HDAC4: variants seen among roughly 807,000 people sequenced by gnomAD.
HDAC4 encodes histone deacetylase 4, also known as histone deacetylase A.
In HDAC4, 16 loss-of-function variants were observed where a neutral mutation model predicts 135.1. The ratio of observed to expected loss-of-function variants is 0.12; its 90% confidence interval spans 0.08 to 0.18. The LOEUF is 0.18. HDAC4 is among the 10% of genes least tolerant of loss of function. HDAC4 has a pLI of 1.00. For synonymous variants in HDAC4, 685 were observed against 653.4 expected (o/e 1.05, Z -0.74); for missense variants, 1,143 against 1,511.8 (o/e 0.76, Z 4.05).
At chr2:239,179,196 C>T (rs2043976698) in intron 4 of HDAC4, among the ~76,000 whole-genome samples, 1 of 152,250 alleles carries the variant, frequency 6.6e-6, no homozygotes, top group Non-Finnish European at 1.5e-5. Context: ...AGTGGCTGCG[C>T]TGGCACAGCA....
chr2:239,166,856 T>G (rs1378407718), intron 5 of HDAC4, among the ~76,000 whole-genome samples: 5 of 152,272 alleles, frequency 3.3e-5, no homozygotes, highest in Admixed American at 2.6e-4. Context: ...CCAATGAGTA[T>G]GTTAAATCAG....
chr2:239,128,578 T>G (rs2040357826), intron 11 of HDAC4, among the ~76,000 whole-genome samples: 1 of 151,872 alleles, frequency 6.6e-6, no homozygotes, highest in African/African-American at 2.4e-5. Flanking sequence ...ATTGTTGACG[T>G]GTGTATTACG....
chr2:239,173,402 A>G (rs1277921733), intron 5 of HDAC4, among the ~76,000 whole-genome samples: 1 of 152,224 alleles, frequency 6.6e-6, no homozygotes, highest in African/African-American at 2.4e-5. Flanking sequence ...AAGCCAAAAA[A>G]TCATACAATC....
intron 20 of HDAC4, among the ~76,000 whole-genome samples, chr2:239,082,589 G>C (rs1022245860): frequency 1.9e-4 from 29 of 152,234 alleles, no homozygotes; most frequent in Admixed American, 3.3e-4. Flanking sequence ...CCGTGTCTCT[G>C]ACAAGTGAGC....
rs2040821689 is a variant in HDAC4 at position 239,134,580 on chromosome 2, A to G, written c.1042T>C (p.Ser348Pro). ...AGCGTGATGTTGGGCAAGGATGGCGATGTGTAGAGGGGAAGTGGAGCGGCC... is the reference window on the plus strand; with the variant it reads ...AGCGTGATGTTGGGCAAGGATGGCGGTGTGTAGAGGGGAAGTGGAGCGGCC... Reference protein sequence around the residue: ...GSAAPLPLYTSPSLPNITLGL... With the variant: ...GSAAPLPLYTPPSLPNITLGL... The change falls in exon 10 of 27, where the codon TCG becomes CCG. Residue 348 changes from serine (S) to proline (P), a missense_variant. Ser to Pro is a moderately conservative substitution (Grantham distance 74, BLOSUM62 -1). Transcript: ENST00000543185. 1 of 1,614,086 alleles carries G rather than the reference A, an allele frequency of 6.2e-7. No individual in the cohort carries two copies. Among genetic ancestry groups the G allele is most frequent in the African/African-American group, 1.3e-5 (1 of 74,932 alleles).
chr2:239,087,662 T>G, intron 18 of HDAC4, 48 bp from the exon 19 acceptor site: 1 of 1,576,922 alleles, frequency 6.3e-7, no homozygotes, highest in South Asian at 1.1e-5. Flanking sequence ...AAGACACACT[T>G]TGTAGCCACG....
intron 1 of HDAC4, among the ~76,000 whole-genome samples, chr2:239,368,569 G>C (rs891022942): frequency 2.0e-5 from 3 of 152,088 alleles, no homozygotes; most frequent in African/African-American, 4.8e-5. Context: ...GGGATAACAG[G>C]GGGGTACAAG....
chr2:239,178,789 A>C (rs997783115), intron 4 of HDAC4, among the ~76,000 whole-genome samples: 4 of 152,150 alleles, frequency 2.6e-5, no homozygotes, highest in African/African-American at 9.7e-5. Context: ...TGGCCCGAGG[A>C]ACTTTCTGTG....
At chr2:239,149,794 G>A (rs1007427442) in intron 7 of HDAC4, among the ~76,000 whole-genome samples, 6 of 152,100 alleles carry the variant, frequency 3.9e-5, no homozygotes, top group East Asian at 1.9e-4. Context: ...CAACAGGCTC[G>A]CCATCTTCAC....
chr2:239,175,902 C>A (rs1158610196), intron 5 of HDAC4, among the ~76,000 whole-genome samples: 3 of 152,280 alleles, frequency 2.0e-5, no homozygotes, highest in African/African-American at 7.2e-5. Context: ...ATCCTGCAGC[C>A]CTGGATGAAG....
rs200401602 is a variant in HDAC4 at position 239,157,270 on chromosome 2, GAGA to G, written c.612-500_612-498del. On this transcript the variant is annotated intron_variant, in intron 6 of 26. Transcript: ENST00000543185. The stretch of plus-strand genomic sequence containing the variant: ...TGTGGGACTCTCTCTGCCACCTGGA[GAGA>G]AGAAGCCCATGGGGCTGTCTCTCAG... Among the ~76,000 whole-genome samples the G allele has an allele frequency of 2.0e-5, 3 of 152,358 alleles. No homozygotes were observed. In the East Asian group the frequency reaches 5.8e-4, roughly 29 times the overall value.
chr2:239,145,849 C>T (rs980472928), intron 7 of HDAC4, among the ~76,000 whole-genome samples: 1 of 152,246 alleles, frequency 6.6e-6, no homozygotes, highest in Admixed American at 6.5e-5. Flanking sequence ...TGGGGACCAA[C>T]ATGACTTCAC....
At chr2:239,216,152 A>T (rs1339785406) in intron 3 of HDAC4, among the ~76,000 whole-genome samples, 2 of 152,036 alleles carry the variant, frequency 1.3e-5, no homozygotes, top group Non-Finnish European at 2.9e-5. Context: ...AATCACTGTG[A>T]GCACTTTCCA....
intron 1 of HDAC4, among the ~76,000 whole-genome samples, chr2:239,361,783 C>T (rs1351530297): frequency 6.6e-6 from 1 of 152,222 alleles, no homozygotes; most frequent in Admixed American, 6.5e-5. Context: ...CAACGCAACA[C>T]TCACAACATA....
chr2:239,103,920 A>AG (rs1258178745), intron 15 of HDAC4, among the ~76,000 whole-genome samples: 4 of 152,274 alleles, frequency 2.6e-5, no homozygotes, highest in African/African-American at 4.8e-5. Flanking sequence ...CCCCGCCCAC[A>AG]GGGGAGAGAC....
Position 239,204,454 on chromosome 2 carries a change from G to A in HDAC4, c.95-14377C>T, listed in dbSNP as rs576879537. 2.0e-5 allele frequency among the ~76,000 whole-genome samples: 3 copies of A among 152,324 alleles called. No individual in the cohort carries two copies. In the South Asian group the frequency reaches 6.2e-4, roughly 32 times the overall value. The stretch of plus-strand genomic sequence containing the variant: ...ATTTCCCAGGCAGAATGTCAGGAAC[G>A]GCAGGTAGCTGGCAGGCAGGCTGCG... On this transcript the variant is annotated intron_variant, in intron 3 of 26. Coordinates refer to ENST00000543185, the MANE Select transcript of HDAC4 (RefSeq NM_001378414.1).
chr2:239,216,197 TATAC>T (rs972033653), intron 3 of HDAC4, among the ~76,000 whole-genome samples: 14 of 151,942 alleles, frequency 9.2e-5, no homozygotes, highest in Admixed American at 6.6e-5. Context: ...TGTTTATATA[TATAC>T]ACACACACAC....
At chr2:239,149,473 CA>C (rs553942833) in intron 7 of HDAC4, among the ~76,000 whole-genome samples, 4 of 152,190 alleles carry the variant, frequency 2.6e-5, no homozygotes, top group Admixed American at 2.6e-4. Flanking sequence ...GCATTGCAAA[CA>C]ACATATAAAC....
chr2:239,371,132 T>C (rs1326714954), intron 1 of HDAC4, among the ~76,000 whole-genome samples: 1 of 152,192 alleles, frequency 6.6e-6, no homozygotes, highest in Non-Finnish European at 1.5e-5. Flanking sequence ...GCAGGAACCC[T>C]GCGCCTCAGG....
Sources: gnomAD v4.1 joint callset for allele counts (sites outside exome capture counted in the v4.1 genomes callset) on GRCh38, gnomAD v4.1.1 for gene constraint, MANE v1.5 for transcripts, NCBI Gene and HGNC (gene_info 2026-07-23, HGNC 2026-07-21) for gene names.